Variants in CUX1 observed in about 807,000 individuals in gnomAD.
CUX1 encodes the protein protein CASP.
CUX1 carries 31 observed loss-of-function variants against 158.8 expected under a neutral mutation model. The observed-to-expected ratio is 0.20, with a 90% confidence interval of 0.15 to 0.26. The LOEUF (loss-of-function observed/expected upper bound fraction) is 0.26. CUX1 is among the 10% of genes least tolerant of loss of function. CUX1 has a pLI of 1.00. For missense variants in CUX1, 1,589 were observed against 2,014.6 expected, an observed-to-expected ratio of 0.79 and a Z score of 4.04; for synonymous variants, 879 against 862.1, an observed-to-expected ratio of 1.02 and a Z score of -0.34.
chr7:102,200,191 C>A lies in CUX1; in HGVS notation c.2062+19C>A. On this transcript the variant is annotated intron_variant, in intron 17 of 23. Coordinates refer to ENST00000292535, the MANE Select transcript of CUX1 (RefSeq NM_181552.4). ...AAAACTGGTACAGCTTCCATTTCTT[C>A]ATCCACTGTCTTCAAACTTAATTAA... 6.3e-7 allele frequency: 1 copy of A among 1,582,280 alleles called. No individual in the cohort carries two copies. Among genetic ancestry groups the A allele is most frequent in the Non-Finnish European group, 8.6e-7 (1 of 1,158,706 alleles).
At chr7:102,042,757 G>C (rs1401245903) in intron 3 of CUX1, among the ~76,000 whole-genome samples, 2 of 151,900 alleles carry the variant, frequency 1.3e-5, no homozygotes, top group African/African-American at 4.8e-5. Context: ...ACAAAGAAAA[G>C]TTGTATATAT....
At chr7:101,933,419 A>C (rs1435841603) in intron 2 of CUX1, among the ~76,000 whole-genome samples, 1 of 152,254 alleles carries the variant, frequency 6.6e-6, no homozygotes, top group Non-Finnish European at 1.5e-5. Flanking sequence ...AAAAGAATTC[A>C]GAGCTAGCTA....
chr7:102,160,517 G>A (rs1028842119), intron 9 of CUX1, among the ~76,000 whole-genome samples: 4 of 152,186 alleles, frequency 2.6e-5, no homozygotes, highest in Non-Finnish European at 4.4e-5. Flanking sequence ...CACCAGACAA[G>A]GCTGTAGGGA....
In CUX1 at chr7:102,253,474, G is replaced by T. The variant is rs111437027; in HGVS notation, c.*4432G>T. 1.0e-5 allele frequency: 10 copies of T among 985,370 alleles called. No individual in the cohort carries two copies. The African/African-American group carries it at 1.4e-4, about 14-fold the overall frequency. 61.0% of individuals were successfully genotyped at this position (985,370 alleles called of 1,614,324 possible). On this transcript the variant is annotated 3_prime_UTR_variant, in exon 24 of 24. Coordinates refer to ENST00000292535, the MANE Select transcript of CUX1 (RefSeq NM_181552.4). ...GTGCCTTCCCGACTAAGGTTGGACT[G>T]GATGACTTTGTTCCTCCTGCATGCA...
At chr7:101,989,450 G>A (rs1585191959) in intron 2 of CUX1, among the ~76,000 whole-genome samples, 1 of 152,226 alleles carries the variant, frequency 6.6e-6, no homozygotes, top group East Asian at 1.9e-4. Flanking sequence ...TCTCAGATGG[G>A]AAATGTTAGG....
intron 2 of CUX1, among the ~76,000 whole-genome samples, chr7:102,010,737 G>A (rs190805945): frequency 2.0e-5 from 3 of 152,336 alleles, no homozygotes; most frequent in East Asian, 1.9e-4. Context: ...GAGTTCTGCC[G>A]GCGGGCGTGA....
At chr7:102,132,360 GAA>G (rs1554497577) in intron 8 of CUX1, among the ~76,000 whole-genome samples, 3 of 151,618 alleles carry the variant, frequency 2.0e-5, no homozygotes, top group Non-Finnish European at 4.4e-5. Flanking sequence ...AGAACAATAA[GAA>G]AAAGTTTCAT....
At chr7:101,894,014 C>T (rs1801194238) in intron 1 of CUX1, among the ~76,000 whole-genome samples, 1 of 152,074 alleles carries the variant, frequency 6.6e-6, no homozygotes, top group African/African-American at 2.4e-5. Context: ...GTTAGAAATG[C>T]TTTGGAGATG....
intron 2 of CUX1, among the ~76,000 whole-genome samples, chr7:101,965,448 G>T (rs919675703): frequency 1.3e-5 from 2 of 152,146 alleles, no homozygotes; most frequent in Admixed American, 6.5e-5. Flanking sequence ...AGGGCATGGT[G>T]GTGGGGGAAG....
intron 8 of CUX1, among the ~76,000 whole-genome samples, chr7:102,132,317 GCGCGCGCACGC>G (rs1386772889): frequency 9.7e-5 from 5 of 51,364 alleles, no homozygotes; most frequent in South Asian, 1.2e-3. Flanking sequence ...GTGCGCGCGC[GCGCGCGCACGC>G]CACGCACACA....
rs1309737386 is a variant in CUX1 at position 102,129,461 on chromosome 7, A to G, written c.674+14188A>G. On this transcript the variant is annotated intron_variant, in intron 8 of 23. Coordinates refer to ENST00000292535, the MANE Select transcript of CUX1 (RefSeq NM_181552.4). ...CACTTTGGGAGGCCAAGATGGGCAG[A>G]TCACTTGAGGTCAGGAGTTCGAGAC... Among the ~76,000 whole-genome samples the G allele has an allele frequency of 5.3e-5, 8 of 152,290 alleles. No homozygotes were observed. In the East Asian group the frequency reaches 1.4e-3, roughly 26 times the overall value.
In CUX1 at chr7:101,868,503, C is replaced by T. The variant is rs1193528615; in HGVS notation, c.31-47612C>T. Reference sequence around the variant, plus strand: ...GTCTGTGTGTTGGGGACCCTTTGCTCATCTTACACACTGAGGACAGGCACC... The same window carrying T: ...GTCTGTGTGTTGGGGACCCTTTGCTTATCTTACACACTGAGGACAGGCACC... On this transcript the variant is annotated intron_variant, in intron 1 of 23. Coordinates refer to ENST00000292535, the MANE Select transcript of CUX1 (RefSeq NM_181552.4). Among the ~76,000 whole-genome samples the T allele has an allele frequency of 2.6e-5, 4 of 152,174 alleles. No homozygotes were observed. The East Asian group carries it at 5.8e-4, about 22-fold the overall frequency.
At chr7:101,967,795 G>A (rs1199279289) in intron 2 of CUX1, among the ~76,000 whole-genome samples, 1 of 152,202 alleles carries the variant, frequency 6.6e-6, no homozygotes, top group Admixed American at 6.5e-5. Context: ...GTCCTCATCT[G>A]TAAAATGAGG....
Position 102,134,983 on chromosome 7 carries a change from G to A in CUX1, c.674+19710G>A, listed in dbSNP as rs138579765. ...GGGCAGTAATTCTACACGTATTCTG[G>A]ATTTTAGCTACTCACATTTATGGTT... On this transcript the variant is annotated intron_variant, in intron 8 of 23. Coordinates refer to ENST00000292535, the MANE Select transcript of CUX1 (RefSeq NM_181552.4). Among the ~76,000 whole-genome samples the A allele has an allele frequency of 1.8e-3, 279 of 152,202 alleles. 1 individual carries two copies. Among genetic ancestry groups the A allele is most frequent in the African/African-American group, 6.4e-3 (264 of 41,532 alleles).
intron 1 of CUX1, among the ~76,000 whole-genome samples, chr7:101,853,489 G>A (rs192484623): frequency 6.6e-6 from 1 of 151,862 alleles, no homozygotes; most frequent in South Asian, 2.1e-4. Context: ...TGTTTTCCTC[G>A]TTTCCCTCTT....
At chr7:102,082,589 C>T (rs180991727) in intron 4 of CUX1, among the ~76,000 whole-genome samples, 1 of 147,342 alleles carries the variant, frequency 6.8e-6, no homozygotes, top group Admixed American at 6.8e-5. Context: ...AGCGTGGCCA[C>T]CTTCACAGTC....
intron 2 of CUX1, among the ~76,000 whole-genome samples, chr7:101,969,296 C>T (rs1811620880): frequency 6.8e-6 from 1 of 147,360 alleles, no homozygotes; most frequent in Non-Finnish European, 1.5e-5. Flanking sequence ...GATCGTGCCA[C>T]TGCACTCCAT....
intron 8 of CUX1, among the ~76,000 whole-genome samples, chr7:102,127,325 G>T (rs1554495612): frequency 6.6e-6 from 1 of 152,128 alleles, no homozygotes; most frequent in African/African-American, 2.4e-5. Context: ...TCCCACCTCA[G>T]CCTCCCGAGT....
chr7:102,256,699 A>G lies in CUX1; in HGVS notation c.*7657A>G. ...CTTCAGAGGAATCTTAGCAAAGCCA[A>G]GTTCAGTTCCCCAAAGCCTCCTAGA... On this transcript the variant is annotated 3_prime_UTR_variant, in exon 24 of 24. Transcript: ENST00000292535. The G allele has an allele frequency of 1.0e-6, 1 of 985,458 alleles. No homozygotes were observed. Among genetic ancestry groups the G allele is most frequent in the Non-Finnish European group, 1.2e-6 (1 of 829,952 alleles). The allele number at this position is 985,458 out of a possible 1,614,324, so 61.0% of individuals were successfully genotyped here.
Sources: gnomAD v4.1 joint callset for allele counts (sites outside exome capture counted in the v4.1 genomes callset) on GRCh38, gnomAD v4.1.1 for gene constraint, MANE v1.5 for transcripts, NCBI Gene and HGNC (gene_info 2026-07-23, HGNC 2026-07-21) for gene names.